Variants in ZNF578 observed in about 807,000 individuals in gnomAD.
ZNF578 encodes the protein Putative chemokine-related protein B42.
Under a neutral mutation model 8.3 loss-of-function variants are expected in ZNF578, and 8 were observed. The ratio of observed to expected loss-of-function variants is 0.96; its 90% CI spans 0.56 to 1.74. The LOEUF is 1.74. Ranked by LOEUF, ZNF578 falls within the 40% of genes most tolerant of loss-of-function variation. ZNF578 has a pLI of 0.00. For synonymous variants in ZNF578, 206 were observed against 232.2 expected (o/e 0.89, Z 1.03); for missense variants, 726 against 707.5 (o/e 1.03, Z -0.30).
Position 52,513,558 on chromosome 19 carries a change from G to T in ZNF578, c.*1404G>T, listed in dbSNP as rs190691915. Among the ~76,000 whole-genome samples the T allele has an allele frequency of 6.6e-6, 1 of 151,248 alleles. No homozygotes were observed. The highest frequency in any genetic ancestry group is 1.9e-4 in the East Asian group (1 of 5,136). On this transcript the variant is annotated 3_prime_UTR_variant, in exon 6 of 6. Transcript: ENST00000421239. ...GTCCTGGCTAACACGGTGAAACCTCGTCTCTACTAAAAATACAAAAACTTA... is the reference window on the plus strand; with the variant it reads ...GTCCTGGCTAACACGGTGAAACCTCTTCTCTACTAAAAATACAAAAACTTA...
In ZNF578 at chr19:52,493,311, G is replaced by A. The variant is rs142272507; in HGVS notation, c.-20+1886G>A. Among the ~76,000 whole-genome samples, 972 of 152,096 alleles carry A rather than the reference G, an allele frequency of 6.4e-3. 7 individuals carry two copies. Among genetic ancestry groups the A allele is most frequent in the African/African-American group, 0.022 (929 of 41,496 alleles). On this transcript the variant is annotated intron_variant, in intron 3 of 5. Transcript: ENST00000421239. ...GTCTTAAGGCGCCGTCGCCCCCTAC[G>A]TCCCTCCTCGTGCCGGGCCCTGCTG...
intron 3 of ZNF578, chr19:52,493,009 G>C (rs112395463): frequency 1.6e-4 from 24 of 152,490 alleles, no homozygotes; most frequent in African/African-American, 5.8e-4. Context: ...GTAAGAGTCC[G>C]GGAGTTGCTT....
chr19:52,484,525 A>G (rs2059338155), intron 2 of ZNF578, among the ~76,000 whole-genome samples: 1 of 152,102 alleles, frequency 6.6e-6, no homozygotes, highest in Non-Finnish European at 1.5e-5. Context: ...GCAGACTTCC[A>G]CAGTGTATTG....
At chr19:52,469,376 T>G (rs1227290139) in intron 2 of ZNF578, among the ~76,000 whole-genome samples, 2 of 152,084 alleles carry the variant, frequency 1.3e-5, no homozygotes, top group African/African-American at 4.8e-5. Flanking sequence ...CCCAGGCTGA[T>G]CTCGAACTCC....
At chr19:52,509,037 G>GGT (rs2059435331) in intron 5 of ZNF578, among the ~76,000 whole-genome samples, 1 of 151,154 alleles carries the variant, frequency 6.6e-6, no homozygotes, top group Admixed American at 6.6e-5. Flanking sequence ...AAGTAGCTGA[G>GGT]ATAACAGGCA....
At chr19:52,467,002 T>C (rs918435409) in intron 2 of ZNF578, among the ~76,000 whole-genome samples, 8 of 151,844 alleles carry the variant, frequency 5.3e-5, no homozygotes, top group Non-Finnish European at 8.8e-5. Flanking sequence ...CAGGCAACCC[T>C]CTCTTGATTA....
chr19:52,459,713 A>ATGTGTGTG (rs1555751309), intron 2 of ZNF578, among the ~76,000 whole-genome samples: 382 of 18,200 alleles, frequency 0.021, 9 homozygotes, highest in African/African-American at 0.05. Flanking sequence ...ATATGTAGAT[A>ATGTGTGTG]TGTGTGTGTG....
At chr19:52,473,947 A>G in intron 2 of ZNF578, 2 of 362,100 alleles carry the variant, frequency 5.5e-6, no homozygotes, top group Admixed American at 7.8e-5. Flanking sequence ...TAAAGTGTGA[A>G]TTGTGACTAA....
chr19:52,457,349 G>C (rs1310687389), intron 2 of ZNF578: 2 of 152,218 alleles, frequency 1.3e-5, no homozygotes, highest in African/African-American at 2.4e-5. Context: ...GGGGCGTCAT[G>C]GAAGCCCTGC....
At chr19:52,482,133 A>G (rs1251562240) in intron 2 of ZNF578, among the ~76,000 whole-genome samples, 1 of 152,142 alleles carries the variant, frequency 6.6e-6, no homozygotes, top group Non-Finnish European at 1.5e-5. Flanking sequence ...TCCCAGCTTC[A>G]AGCAATTCCA....
Position 52,510,932 on chromosome 19 carries a change from T to C in ZNF578, c.551T>C (p.Val184Ala). The C allele has an allele frequency of 6.2e-7, 1 of 1,614,186 alleles. No individual in the cohort carries two copies. Among genetic ancestry groups the C allele is most frequent in the Non-Finnish European group, 8.5e-7 (1 of 1,180,042 alleles). ...ATTGCTAATCAAGTGGAGAAGTCTG[T>C]CAACGATGCTTCCTCAATTTCAACA... ...EKIANQVEKS[V>A]NDASSISTSQ... Residue 184 changes from valine (V) to alanine (A), a missense_variant, in exon 6 of 6, where the codon GTC becomes GCC. Transcript: ENST00000421239.
intron 5 of ZNF578, among the ~76,000 whole-genome samples, chr19:52,507,980 C>T (rs147568065): frequency 1.3e-3 from 198 of 151,990 alleles, no homozygotes; most frequent in African/African-American, 4.5e-3. Context: ...ATCTGGGAGG[C>T]GGAGGTTATG....
intron 2 of ZNF578, among the ~76,000 whole-genome samples, chr19:52,483,739 C>G (rs913992548): frequency 3.9e-5 from 6 of 152,176 alleles, no homozygotes; most frequent in African/African-American, 7.2e-5. Flanking sequence ...TAAAATTGCT[C>G]TATTGCCTGG....
chr19:52,505,947 G>C (rs768158017), intron 5 of ZNF578, among the ~76,000 whole-genome samples: 4 of 150,180 alleles, frequency 2.7e-5, no homozygotes, highest in Non-Finnish European at 5.9e-5. Context: ...TCCCTGGCTT[G>C]AGTGCAGTGG....
chr19:52,479,683 T>C (rs1334348581), intron 2 of ZNF578, among the ~76,000 whole-genome samples: 3 of 152,162 alleles, frequency 2.0e-5, no homozygotes, highest in Non-Finnish European at 4.4e-5. Flanking sequence ...AGTAAGATAG[T>C]TTGAGAGCAT....
At chr19:52,507,417 G>A (rs1373302799) in intron 5 of ZNF578, among the ~76,000 whole-genome samples, 1 of 151,874 alleles carries the variant, frequency 6.6e-6, no homozygotes, top group African/African-American at 2.4e-5. Flanking sequence ...AATTAGCCAG[G>A]CATGGTGGCA....
intron 2 of ZNF578, among the ~76,000 whole-genome samples, chr19:52,482,512 C>T (rs994985849): frequency 6.6e-6 from 1 of 152,264 alleles, no homozygotes; most frequent in Admixed American, 6.5e-5. Context: ...GTGGCAGACG[C>T]CTGTAATCCC....
At chr19:52,493,430 T>C (rs749386510) in intron 3 of ZNF578, among the ~76,000 whole-genome samples, 16 of 152,284 alleles carry the variant, frequency 1.1e-4, no homozygotes, top group South Asian at 8.3e-4. Context: ...TATTCTTGCC[T>C]GCCCAGTTCC....
intron 2 of ZNF578, among the ~76,000 whole-genome samples, chr19:52,459,650 C>CATAT (rs1183065302): frequency 4.7e-5 from 4 of 84,826 alleles, no homozygotes; most frequent in African/African-American, 1.5e-4. Context: ...CACACACACA[C>CATAT]ATATATATAC....
Sources: allele counts gnomAD v4.1 joint callset (sites outside exome capture counted in the v4.1 genomes callset), GRCh38; gene constraint gnomAD v4.1.1; transcripts MANE v1.5; gene names NCBI Gene and HGNC (gene_info 2026-07-23, HGNC 2026-07-21).